TRNT1: variants seen among roughly 807,000 people sequenced by gnomAD.
TRNT1 encodes CCA tRNA nucleotidyltransferase 1, mitochondrial.
A neutral mutation model predicts 45.6 loss-of-function variants in TRNT1; 44 were observed. The ratio of observed to expected loss-of-function variants is 0.97; its 90% CI spans 0.76 to 1.24. The LOEUF is 1.24. TRNT1 is among the 50% of genes most tolerant of loss of function. The probability of loss-of-function intolerance (pLI) is 0.00; values close to 1 mark genes in which losing one functional copy is unlikely to be tolerated. For synonymous variants in TRNT1, 201 were observed against 171.4 expected (o/e 1.17, Z -1.35); for missense variants, 633 against 504.4 (o/e 1.25, Z -2.44).
intron 5 of TRNT1, 62 bp downstream of exon 5, chr3:3,144,772 T>C (rs1272230597): frequency 2.1e-6 from 3 of 1,409,610 alleles, no homozygotes; most frequent in South Asian, 1.4e-5. Context: ...ATAACAGTGG[T>C]CATACGAAAC....
At chr3:3,140,790 A>T (rs1474765521) in intron 4 of TRNT1, 142 bp downstream of exon 4, 5 of 1,149,668 alleles carry the variant, frequency 4.3e-6, no homozygotes, top group Non-Finnish European at 6.1e-6. Flanking sequence ...TGCTTCAAAG[A>T]ATAGTCCCTC....
downstream of TRNT1, chr3:3,149,983 A>C (rs1331788229): frequency 5.3e-5 from 8 of 152,160 alleles, no homozygotes; most frequent in African/African-American, 1.9e-4. Context: ...ATGAGTAGAT[A>C]TTTTACATTA....
chr3:3,148,331 T>G lies in TRNT1; in HGVS notation c.*177T>G. 1.6e-6 allele frequency: 1 copy of G among 610,550 alleles called. No homozygotes were observed. Among genetic ancestry groups the G allele is most frequent in the Non-Finnish European group, 2.8e-6 (1 of 363,104 alleles). The allele number at this position is 610,550 out of a possible 1,614,324, so 37.8% of individuals were successfully genotyped here. A position where few individuals can be genotyped will look rare whatever the true frequency, so the allele number is the denominator to read the frequency against. ...TCAAGAACTAAACAGAGATCCACCT[T>G]TCTGGATCTGATTTATATCACTGAA... On this transcript the variant is annotated 3_prime_UTR_variant, in exon 8 of 8. Transcript: ENST00000251607.
intron 3 of TRNT1, 27 bp downstream of exon 3, chr3:3,137,480 A>C: frequency 6.5e-7 from 1 of 1,540,906 alleles, no homozygotes; most frequent in East Asian, 2.3e-5. Context: ...ACAGGTAATT[A>C]CATTGCTTTT....
In TRNT1 at chr3:3,129,091, G is replaced by A; in HGVS notation, c.51G>A (p.Trp17Ter). The change falls in exon 2 of 8, where the codon TGG becomes TGA. Residue 17 changes from tryptophan (W) to a stop codon, truncating the protein, a stop_gained. Transcript: ENST00000251607. LOFTEE classifies it high-confidence loss of function. ...HWHRPVLNRRWSRLCLPKQYL... is the reference protein window; with the variant it reads ...HWHRPVLNRR The stretch of plus-strand genomic sequence containing the variant: ...ACAGGCCAGTGCTGAACCGTAGGTG[G>A]AGTAGGCTGTGCCTTCCGAAGCAGT... The A allele has an allele frequency of 6.2e-7, 1 of 1,613,934 alleles. No homozygotes were observed. The highest frequency in any genetic ancestry group is 2.2e-5 in the East Asian group (1 of 44,882).
intron 4 of TRNT1, 141 bp from the exon 5 acceptor site, chr3:3,144,443 A>C: frequency 1.4e-6 from 1 of 712,058 alleles, no homozygotes; most frequent in Non-Finnish European, 2.3e-6. Context: ...GATAGTTGAT[A>C]TGTATGAATA....
chr3:3,149,566 G>T (rs1054395440), downstream of TRNT1: 1 of 151,610 alleles, frequency 6.6e-6, no homozygotes, highest in Admixed American at 6.6e-5. Context: ...CTACTGACAG[G>T]AACTTCCTGG....
chr3:3,138,055 A>C (rs189109703), intron 3 of TRNT1, among the ~76,000 whole-genome samples: 3 of 152,184 alleles, frequency 2.0e-5, no homozygotes, highest in African/African-American at 7.2e-5. Context: ...TCAAGTTTCA[A>C]TTGGGTTTTT....
At chr3:3,141,237 T>C (rs1017229747) in intron 4 of TRNT1, among the ~76,000 whole-genome samples, 3 of 152,358 alleles carry the variant, frequency 2.0e-5, no homozygotes, top group African/African-American at 4.8e-5. Context: ...GCCTGACACA[T>C]GTACACACTC....
Position 3,146,584 on chromosome 3 carries a change from A to AT in TRNT1, c.765dup (p.His256SerfsTer5). The stretch of plus-strand genomic sequence containing the variant: ...TGTTGGTAACCATGTAAATCATTTG[A>AT]TTCACCTTATCTATGATCTTGATGT... On this transcript the variant is annotated frameshift_variant, in exon 6 of 8. Transcript: ENST00000251607. LOFTEE classifies it high-confidence loss of function. 1 of 1,613,820 alleles carries AT rather than the reference A, an allele frequency of 6.2e-7. No individual in the cohort carries two copies. The highest frequency in any genetic ancestry group is 8.5e-7 in the Non-Finnish European group (1 of 1,179,842).
intron 5 of TRNT1, 98 bp from the exon 6 acceptor site, chr3:3,146,332 A>C (rs3762760): frequency 1.2e-6 from 1 of 845,950 alleles, no homozygotes; most frequent in East Asian, 2.7e-5. Context: ...GTTTTCATTA[A>C]GCAGATGTAT....
Position 3,148,350 on chromosome 3 carries a change from C to T in TRNT1, c.*196C>T. On this transcript the variant is annotated 3_prime_UTR_variant, in exon 8 of 8. Coordinates refer to ENST00000251607, the MANE Select transcript of TRNT1 (RefSeq NM_182916.3). The stretch of plus-strand genomic sequence containing the variant: ...CCACCTTTCTGGATCTGATTTATAT[C>T]ACTGAAATGTACAGTTCTTTTGGAA... 1 of 548,634 alleles carries T rather than the reference C, an allele frequency of 1.8e-6. No individual in the cohort carries two copies. Among genetic ancestry groups the T allele is most frequent in the South Asian group, 2.3e-5 (1 of 42,862 alleles). 34.0% of individuals were successfully genotyped at this position (548,634 alleles called of 1,614,324 possible).
intron 2 of TRNT1, among the ~76,000 whole-genome samples, chr3:3,136,986 G>T (rs938647079): frequency 2.6e-5 from 4 of 152,184 alleles, no homozygotes; most frequent in Middle Eastern, 3.4e-3. Context: ...AATTTATATT[G>T]ATCACTTTGA....
At chr3:3,128,712 A>C (rs1371520912) in intron 1 of TRNT1, among the ~76,000 whole-genome samples, 12 of 151,612 alleles carry the variant, frequency 7.9e-5, no homozygotes. Flanking sequence ...AGCCTTGTTT[A>C]AGGGCACTGG....
downstream of TRNT1, chr3:3,152,664 A>C (rs994360889): frequency 6.5e-7 from 1 of 1,547,920 alleles, no homozygotes; most frequent in Non-Finnish European, 8.9e-7. Flanking sequence ...ATTTTATTGA[A>C]GTTCACCAAG....
downstream of TRNT1, among the ~76,000 whole-genome samples, chr3:3,151,704 T>G (rs1669345): frequency 0.92 from 139,657 of 152,192 alleles, 65,263 homozygotes; most frequent in East Asian, 1. Flanking sequence ...CAATCCAAGA[T>G]ACATAGTCCT....
At chr3:3,135,578 G>T (rs1169892948) in intron 2 of TRNT1, among the ~76,000 whole-genome samples, 1 of 152,140 alleles carries the variant, frequency 6.6e-6, no homozygotes, top group African/African-American at 2.4e-5. Context: ...AGTCAAGAGG[G>T]TAGGGAGCAT....
chr3:3,132,677 T>A (rs1353731864), intron 2 of TRNT1, among the ~76,000 whole-genome samples: 7 of 29,722 alleles, frequency 2.4e-4, no homozygotes, highest in Non-Finnish European at 3.5e-4. Flanking sequence ...AAACTTAGAG[T>A]ATAATAAAAA....
chr3:3,151,499 T>A (rs895691368), downstream of TRNT1, among the ~76,000 whole-genome samples: 1 of 42,832 alleles, frequency 2.3e-5, no homozygotes, highest in Non-Finnish European at 8.5e-5. Flanking sequence ...AAAGTAAATA[T>A]TTATATTCTA....
Sources: gnomAD v4.1 joint callset for allele counts (sites outside exome capture counted in the v4.1 genomes callset) on GRCh38, gnomAD v4.1.1 for gene constraint, MANE v1.5 for transcripts, NCBI Gene and HGNC (gene_info 2026-07-23, HGNC 2026-07-21) for gene names.